Variants in DIS3 observed in about 807,000 individuals in gnomAD.
DIS3 encodes the protein exosome complex exonuclease RRP44.
A neutral mutation model predicts 113.0 loss-of-function variants in DIS3; 103 were observed. The observed-to-expected ratio is 0.91, with a 90% CI of 0.78 to 1.07. The LOEUF is 1.07. DIS3 is among the 50% of genes least tolerant of loss of function. DIS3 has a pLI of 0.00. For missense variants in DIS3, 1,121 were observed against 1,167.1 expected (o/e 0.96, Z 0.58); for synonymous variants, 402 against 394.3 (o/e 1.02, Z -0.23).
At chr13:72,769,699 G>T (rs2033841192) in intron 13 of DIS3, among the ~76,000 whole-genome samples, 1 of 152,078 alleles carries the variant, frequency 6.6e-6, no homozygotes, top group Non-Finnish European at 1.5e-5. Flanking sequence ...TACTGACCAA[G>T]TCTTAAAGAA....
In DIS3 at chr13:72,758,434, G is replaced by A. The variant is rs967585993; in HGVS notation, c.*1361C>T. 4.1e-5 allele frequency: 8 copies of A among 197,204 alleles called. No individual in the cohort carries two copies. The highest frequency in any genetic ancestry group is 1.2e-4 in the Admixed American group (2 of 16,502). The allele number at this position is 197,204 out of a possible 1,614,324, so 12.2% of individuals were successfully genotyped here. Reference sequence around the variant, plus strand: ...AGTCATGTTGATTTGTTTACATATTGTATATGGCTCCTTACACACTATCAA... The same window carrying A: ...AGTCATGTTGATTTGTTTACATATTATATATGGCTCCTTACACACTATCAA... On this transcript the variant is annotated 3_prime_UTR_variant, in exon 21 of 21. Coordinates refer to ENST00000377767, the MANE Select transcript of DIS3 (RefSeq NM_014953.5).
chr13:72,767,340 TAC>T, intron 14 of DIS3, among the ~76,000 whole-genome samples: 1 of 152,236 alleles, frequency 6.6e-6, no homozygotes, highest in East Asian at 1.9e-4. Context: ...TTAAAATAAA[TAC>T]AGCTTCAATT....
chr13:72,772,795 A>G lies in DIS3; in HGVS notation c.1284T>C (p.Thr428=). ...GTTCAAGTAACAAAACTTCTGTTTC[A>G]GTCTCTTTCTCTCCAACATCACCTA... is the stretch of plus-strand genomic sequence containing the variant. ...RNLGDVGEKE[T]ETEVLLLEHD... The change falls in exon 9 of 21, where the codon ACT becomes ACC. Residue 428 remains threonine, a synonymous_variant. Transcript: ENST00000377767. The G allele has an allele frequency of 1.9e-6, 3 of 1,612,710 alleles. No individual in the cohort carries two copies. The highest frequency in any genetic ancestry group is 2.5e-6 in the Non-Finnish European group (3 of 1,179,688).
intron 6 of DIS3, among the ~76,000 whole-genome samples, chr13:72,774,796 C>T (rs2033968877): frequency 6.6e-6 from 1 of 152,044 alleles, no homozygotes; most frequent in Non-Finnish European, 1.5e-5. Context: ...AGATAAGTTG[C>T]CCAAATATAA....
intron 13 of DIS3, among the ~76,000 whole-genome samples, chr13:72,770,310 T>C (rs766932275): frequency 5.3e-5 from 8 of 152,102 alleles, no homozygotes; most frequent in Non-Finnish European, 1.0e-4. Context: ...AATTTTGCTA[T>C]AACAGTGCCC....
chr13:72,778,341 A>G lies in DIS3; in HGVS notation c.426T>C (p.Asn142=). ...CTCGAATCGCTCTATCATTCCTGTC[A>G]TTAGCATTTTCTCCCTGTTCTTGTT... ...YVEQEQGENA[N]DRNDRAIRVA... is the part of the protein sequence containing the mutation. Residue 142 remains asparagine (N), a synonymous_variant, in exon 3 of 21, where the codon AAT becomes AAC. Transcript: ENST00000377767. The G allele has an allele frequency of 6.3e-7, 1 of 1,585,482 alleles. No individual in the cohort carries two copies. Among genetic ancestry groups the G allele is most frequent in the Non-Finnish European group, 8.6e-7 (1 of 1,158,438 alleles).
rs574005581 is a variant in DIS3, at chr13:72,758,145, T to C, written c.*1650A>G. 3.3e-5 allele frequency: 6 copies of C among 180,436 alleles called. No individual in the cohort carries two copies. The highest frequency in any genetic ancestry group is 1.4e-4 in the African/African-American group (6 of 42,500). The allele number at this position is 180,436 out of a possible 1,614,324, so 11.2% of individuals were successfully genotyped here. ...ACTGTACCTTTTCTATGTTTAGATA[T>C]GTTTAGATACACAAATACTTAGCAC... On this transcript the variant is annotated 3_prime_UTR_variant, in exon 21 of 21. Transcript: ENST00000377767.
At position 72,761,630 on chromosome 13, in the gene DIS3, G is replaced by A. The variant is rs763317100; in HGVS notation, c.2511+16C>T. On this transcript the variant is annotated intron_variant, in intron 18 of 20. Transcript: ENST00000377767. ...AAACTTCATTTTTTCTAGCAGTATCGACAAAAGGCAAATACCTGGGTATGA... is the reference window on the plus strand; with the variant it reads ...AAACTTCATTTTTTCTAGCAGTATCAACAAAAGGCAAATACCTGGGTATGA... 45 of 1,566,388 alleles carry A rather than the reference G, an allele frequency of 2.9e-5. No individual in the cohort carries two copies. Among genetic ancestry groups the A allele is most frequent in the Middle Eastern group, 1.7e-4 (1 of 5,838 alleles).
intron 14 of DIS3, 56 bp from the exon 15 acceptor site, chr13:72,766,114 G>T (rs2138172144): frequency 7.1e-7 from 1 of 1,417,364 alleles, no homozygotes; most frequent in Non-Finnish European, 9.6e-7. Flanking sequence ...AAAGACAAAA[G>T]TATAGAAATT....
In DIS3 at chr13:72,775,958, T is replaced by C. The variant is rs751446912; in HGVS notation, c.789A>G (p.Val263=). 1.9e-6 allele frequency: 3 copies of C among 1,611,298 alleles called. No homozygotes were observed. The highest frequency in any genetic ancestry group is 2.2e-5 in the East Asian group (1 of 44,746). The part of the protein sequence containing the change: ...ASRENYLEAT[V]WIHGDNEENK... ...TTTCTTCATTGTCGCCATGAATCCA[T>C]ACTGTAGCTTCCAAGTAATTTTCCC... The change falls in exon 5 of 21, where the codon GTA becomes GTG. Residue 263 remains valine (V), a synonymous_variant. Coordinates refer to ENST00000377767, the MANE Select transcript of DIS3 (RefSeq NM_014953.5).
chr13:72,769,301 G>A (rs1008083922), intron 13 of DIS3, among the ~76,000 whole-genome samples: 4 of 152,024 alleles, frequency 2.6e-5, no homozygotes, highest in African/African-American at 9.7e-5. Context: ...TTATTCCCCT[G>A]CAAATAATTA....
At chr13:72,763,709 A>C in intron 15 of DIS3, 102 bp from the exon 16 acceptor site, 1 of 1,160,262 alleles carries the variant, frequency 8.6e-7, no homozygotes, top group Non-Finnish European at 1.2e-6. Context: ...AGATAATAAG[A>C]GCATTTCCTA....
chr13:72,753,616 A>G lies in DIS3; in HGVS notation c.*6179T>C. On this transcript the variant is annotated 3_prime_UTR_variant, in exon 21 of 21. Transcript: ENST00000377767. Reference sequence around the variant, plus strand: ...ATTCAGATGTAGTGAATGAGAGTTTATAGTGGTTTACTTATTTAAATATTT... The same window carrying G: ...ATTCAGATGTAGTGAATGAGAGTTTGTAGTGGTTTACTTATTTAAATATTT... 2.1e-6 allele frequency: 3 copies of G among 1,443,168 alleles called. No individual in the cohort carries two copies. Among genetic ancestry groups the G allele is most frequent in the South Asian group, 2.6e-5 (2 of 78,084 alleles). 89.4% of individuals were successfully genotyped at this position (1,443,168 alleles called of 1,614,324 possible).
In DIS3 at chr13:72,776,079, C is replaced by T. The variant is rs755521330; in HGVS notation, c.668G>A (p.Ser223Asn). ...ATGCTCTGAAAATATTATTTTTCCACTTTCTATTTCATTCTATGAAAGAAG... is the reference window on the plus strand; with the variant it reads ...ATGCTCTGAAAATATTATTTTTCCATTTTCTATTTCATTCTATGAAAGAAG... ...CLSEEGNEIE[S>N]GKIIFSEHLP... The change falls in exon 5 of 21, where the codon AGT becomes AAT. Residue 223 changes from serine (S) to asparagine (N), a missense_variant. Physicochemically the swap from Ser to Asn is conservative, Grantham distance 46. This residue lies in a region of DIS3 where 861 missense variants were observed against 915.5 expected (regional missense o/e 0.94). Coordinates refer to ENST00000377767, the MANE Select transcript of DIS3 (RefSeq NM_014953.5). 6.3e-7 allele frequency: 1 copy of T among 1,595,684 alleles called. No homozygotes were observed. The highest frequency in any genetic ancestry group is 2.2e-5 in the East Asian group (1 of 44,544).
Position 72,781,076 on chromosome 13 carries a change from T to C in DIS3, c.229-73A>G, listed in dbSNP as rs1195366418. The C allele has an allele frequency of 1.8e-5, 27 of 1,473,724 alleles. No homozygotes were observed. The Middle Eastern group carries it at 9.0e-4, about 49-fold the overall frequency. The allele number at this position is 1,473,724 out of a possible 1,614,324, so 91.3% of individuals were successfully genotyped here. ...CTCTGTCAAACATAAAATCCTGTTT[T>C]ATGTTGGGCATAAATACTTTATGTT... On this transcript the variant is annotated intron_variant, in intron 1 of 20. Coordinates refer to ENST00000377767, the MANE Select transcript of DIS3 (RefSeq NM_014953.5).
In DIS3 at chr13:72,781,803, C is replaced by G. The variant is rs2034247771; in HGVS notation, c.30G>C (p.Lys10Asn). The change falls in exon 1 of 21, where the codon AAG becomes AAC. Residue 10 changes from lysine (K) to asparagine (N), a missense_variant. Physicochemically the swap from Lys to Asn is moderately conservative, Grantham distance 94. Coordinates refer to ENST00000377767, the MANE Select transcript of DIS3 (RefSeq NM_014953.5). MLKSKTFLK[K>N]TRAGGVMKIV... The stretch of plus-strand genomic sequence containing the variant: ...TCTTCATCACGCCGCCCGCCCGGGT[C>G]TTTTTTAAGAACGTCTTGGACTTGA... The G allele has an allele frequency of 6.2e-7, 1 of 1,603,384 alleles. No individual in the cohort carries two copies. The highest frequency in any genetic ancestry group is 8.5e-7 in the Non-Finnish European group (1 of 1,174,662).
intron 7 of DIS3, 32 bp from the exon 8 acceptor site, chr13:72,773,853 A>C (rs1305730992): frequency 1.3e-6 from 2 of 1,593,986 alleles, no homozygotes; most frequent in South Asian, 1.2e-5. Context: ...GATTTTACAC[A>C]AAAAAAATCT....
intron 14 of DIS3, among the ~76,000 whole-genome samples, chr13:72,767,633 A>C (rs532901524): frequency 5.9e-5 from 9 of 152,318 alleles, no homozygotes; most frequent in East Asian, 3.9e-4. Flanking sequence ...CAGTGATGGA[A>C]ATGTTCTATG....
rs138757213 is a variant in DIS3 at position 72,755,351 on chromosome 13, A to C, written c.*4444T>G. 8.3e-3 allele frequency: 5,519 copies of C among 665,164 alleles called. 192 individuals are homozygous for C. Among genetic ancestry groups the C allele is most frequent in the East Asian group, 0.02 (695 of 35,060 alleles). The allele number at this position is 665,164 out of a possible 1,614,324, so 41.2% of individuals were successfully genotyped here. On this transcript the variant is annotated 3_prime_UTR_variant, in exon 21 of 21. Transcript: ENST00000377767. Reference sequence around the variant, plus strand: ...TAGCTTTCCCTCCTTAATGTGAAAAATCAAGGGCTTACTGACATAGGAACA... The same window carrying C: ...TAGCTTTCCCTCCTTAATGTGAAAACTCAAGGGCTTACTGACATAGGAACA...
Sources: allele counts gnomAD v4.1 joint callset (sites outside exome capture counted in the v4.1 genomes callset), GRCh38; gene constraint gnomAD v4.1.1; regional missense constraint gnomAD v4.1.1; transcripts MANE v1.5; gene names NCBI Gene and HGNC (gene_info 2026-07-23, HGNC 2026-07-21).